UPF3B: variants seen among roughly 807,000 people sequenced by gnomAD.
UPF3B encodes the protein regulator of nonsense transcripts 3B.
A neutral mutation model predicts 40.3 loss-of-function variants in UPF3B; 7 were observed. The ratio of observed to expected loss-of-function variants is 0.17; its 90% CI spans 0.10 to 0.33. The LOEUF (loss-of-function observed/expected upper bound fraction) is 0.33. Among genes scored for constraint, UPF3B ranks in the 10% least tolerant of loss-of-function variants. The pLI is 1.00. For synonymous variants in UPF3B, 117 were observed against 117.3 expected (o/e 1.00, Z 0.01); for missense variants, 229 against 358.9 (o/e 0.64, Z 2.93).
intron 9 of UPF3B, 139 bp from the exon 10 acceptor site, chrX:119,838,190 G>C: frequency 3.2e-6 from 3 of 948,069 alleles, no homozygotes; most frequent in Non-Finnish European, 4.4e-6. Context: ...TTTTAAGAAG[G>C]AACAAAACCC....
chrX:119,842,605 T>C (rs5910681), intron 5 of UPF3B, among the ~76,000 whole-genome samples: 2,920 of 90,820 alleles, frequency 0.032, 96 homozygotes, highest in African/African-American at 0.1. Flanking sequence ...CACACACACA[T>C]ACACACACAC....
In UPF3B at chrX:119,842,605, T is replaced by TACAC. The variant is rs543555558; in HGVS notation, c.580+582_580+585dup. Among the ~76,000 whole-genome samples, 542 of 91,341 alleles carry TACAC rather than the reference T, an allele frequency of 5.9e-3. 2 individuals carry two copies. Among genetic ancestry groups the TACAC allele is most frequent in the East Asian group, 0.014 (42 of 2,963 alleles). The allele number at this position is 91,341 out of a possible 115,157, so 79.3% of individuals were successfully genotyped here. On this transcript the variant is annotated intron_variant, in intron 5 of 10. Coordinates refer to ENST00000276201, the MANE Select transcript of UPF3B (RefSeq NM_080632.3). Reference sequence around the variant, plus strand: ...TCACACACACACACACACACACACATACACACACACACACACACACACACA... The same window carrying TACAC: ...TCACACACACACACACACACACACATACACACACACACACACACACACACACACA...
chrX:119,823,555 CCTCTTTT>C (rs1253423398), intron 3 of UPF3B, among the ~76,000 whole-genome samples: 4 of 68,921 alleles, frequency 5.8e-5, no homozygotes, highest in African/African-American at 2.6e-4. Flanking sequence ...TTCTTTTTTT[CCTCTTTT>C]TTTTTTTTTT....
intron 3 of UPF3B, among the ~76,000 whole-genome samples, chrX:119,828,693 C>T (rs2056006459): frequency 9.2e-6 from 1 of 108,343 alleles, no homozygotes; most frequent in Non-Finnish European, 1.9e-5. Flanking sequence ...AAAAAATCTC[C>T]TTATAGGAAC....
At position 119,851,882 on chromosome X, in the gene UPF3B, A is replaced by G. The variant is rs1297122870; in HGVS notation, c.157-9T>C. 2 of 1,101,542 alleles carry G rather than the reference A, an allele frequency of 1.8e-6. No homozygotes were observed. The highest frequency in any genetic ancestry group is 1.9e-5 in the African/African-American group (1 of 53,897). The allele number at this position is 1,101,542 out of a possible 1,213,427, so 90.8% of individuals were successfully genotyped here. A position where few individuals can be genotyped will look rare whatever the true frequency, so the allele number is the denominator to read the frequency against. On this transcript the variant is annotated splice_polypyrimidine_tract_variant and intron_variant, in intron 1 of 10. Coordinates refer to ENST00000276201, the MANE Select transcript of UPF3B (RefSeq NM_080632.3). Reference sequence around the variant, plus strand: ...AATCTTCGAATTACCACCTTAAGAAATGCATAAGGAAAATAAAATTAGTAC... The same window carrying G: ...AATCTTCGAATTACCACCTTAAGAAGTGCATAAGGAAAATAAAATTAGTAC...
intron 3 of UPF3B, among the ~76,000 whole-genome samples, chrX:119,851,163 T>C (rs887148586): frequency 8.0e-5 from 9 of 112,446 alleles, no homozygotes; most frequent in Non-Finnish European, 1.7e-4. Context: ...CGAAGCAAAA[T>C]AAGAAGTAAA....
At chrX:119,828,549 G>A (rs1040203529) in intron 3 of UPF3B, among the ~76,000 whole-genome samples, 2 of 110,395 alleles carry the variant, frequency 1.8e-5, no homozygotes, top group South Asian at 7.7e-4. Flanking sequence ...TCACATGCCT[G>A]TAACCTCAGC....
chrX:119,830,349 T>A (rs1011571510), downstream of UPF3B, among the ~76,000 whole-genome samples: 1 of 110,551 alleles, frequency 9.0e-6, no homozygotes, highest in Non-Finnish European at 1.9e-5. Context: ...GGTGCTGTCC[T>A]CTCCATAGTG....
At chrX:119,826,948 G>A (rs1199255582) in intron 3 of UPF3B, among the ~76,000 whole-genome samples, 1 of 112,126 alleles carries the variant, frequency 8.9e-6, no homozygotes, top group Non-Finnish European at 1.9e-5. Flanking sequence ...TGACTTTCTG[G>A]AGGACCAGAA....
At chrX:119,806,642 G>T (rs960803240) in intron 6 of UPF3B, among the ~76,000 whole-genome samples, 13 of 111,345 alleles carry the variant, frequency 1.2e-4, no homozygotes, top group Non-Finnish European at 2.1e-4. Flanking sequence ...ACAAAAGTTT[G>T]TTCTATCCTT....
At position 119,840,065 on chromosome X, in the gene UPF3B, C is replaced by A. The variant is rs535087129; in HGVS notation, c.846+581G>T. Among the ~76,000 whole-genome samples, 102 of 111,435 alleles carry A rather than the reference C, an allele frequency of 9.2e-4. 1 individual carries two copies. Among genetic ancestry groups the A allele is most frequent in the African/African-American group, 3.2e-3 (98 of 30,661 alleles). On this transcript the variant is annotated intron_variant, in intron 8 of 10. Coordinates refer to ENST00000276201, the MANE Select transcript of UPF3B (RefSeq NM_080632.3). Reference sequence around the variant, plus strand: ...GTTTTCAGGAAATAAAATAAGGAGACCCTGCCACCCTCTCTGTGAGATTTT... The same window carrying A: ...GTTTTCAGGAAATAAAATAAGGAGAACCTGCCACCCTCTCTGTGAGATTTT...
chrX:119,809,286 C>T (rs1265865877), intron 5 of UPF3B, among the ~76,000 whole-genome samples: 1 of 111,872 alleles, frequency 8.9e-6, no homozygotes, highest in African/African-American at 3.2e-5. Flanking sequence ...CACCAACTTC[C>T]TCCCTTGACA....
At chrX:119,836,401 T>C (rs981404685) in intron 10 of UPF3B, among the ~76,000 whole-genome samples, 2 of 111,332 alleles carry the variant, frequency 1.8e-5, no homozygotes, top group Non-Finnish European at 1.9e-5. Context: ...AATGAAGCAA[T>C]TGGGAACATA....
At chrX:119,833,364 C>T (rs1264177059), downstream of UPF3B, among the ~76,000 whole-genome samples, 3 of 111,463 alleles carry the variant, frequency 2.7e-5, no homozygotes, top group African/African-American at 3.3e-5. Context: ...TTTTGAGGCA[C>T]GGTCTCACTT....
downstream of UPF3B, among the ~76,000 whole-genome samples, chrX:119,832,509 G>A (rs982744010): frequency 4.5e-5 from 5 of 110,347 alleles, no homozygotes; most frequent in Admixed American, 9.6e-5. Context: ...TCCACCCACC[G>A]TGGCTTCCGT....
At chrX:119,822,996 A>T in exon 4 of UPF3B, 1 of 889,878 alleles carries the variant, frequency 1.1e-6, no homozygotes, top group Non-Finnish European at 1.4e-6. Flanking sequence ...GCCAGAGTCG[A>T]CCTCGGCCTC....
chrX:119,807,027 T>TAAA (rs1191950024), intron 6 of UPF3B, among the ~76,000 whole-genome samples: 4 of 21,422 alleles, frequency 1.9e-4, no homozygotes, highest in Admixed American at 6.8e-4. Context: ...AGACCCTGTC[T>TAAA]AAAAAAAAAA....
intron 3 of UPF3B, among the ~76,000 whole-genome samples, chrX:119,850,866 G>A (rs1203040497): frequency 8.9e-6 from 1 of 112,094 alleles, no homozygotes; most frequent in Non-Finnish European, 1.9e-5. Context: ...AGCCTCCCAA[G>A]TAGCTGGGAT....
At chrX:119,832,918 T>A (rs749550505), downstream of UPF3B, among the ~76,000 whole-genome samples, 1 of 112,013 alleles carries the variant, frequency 8.9e-6, no homozygotes, top group South Asian at 3.7e-4. Context: ...CTACCTAACG[T>A]ATGCATGCTG....
Sources: allele counts gnomAD v4.1 joint callset (sites outside exome capture counted in the v4.1 genomes callset), GRCh38; gene constraint gnomAD v4.1.1; transcripts MANE v1.5; gene names NCBI Gene and HGNC (gene_info 2026-07-23, HGNC 2026-07-21).